The following PTPN21 variants were observed in gnomAD, a reference collection of about 807,000 sequenced individuals.
PTPN21 encodes protein tyrosine phosphatase non-receptor type 21, also known as tyrosine-protein phosphatase non-receptor type 21.
Under a neutral mutation model 131.8 loss-of-function variants are expected in PTPN21, and 77 were observed. The ratio of observed to expected loss-of-function variants is 0.58; its 90% CI spans 0.49 to 0.71. The LOEUF (loss-of-function observed/expected upper bound fraction) is 0.71, where lower values mean the gene tolerates loss of function less well. Among genes scored for constraint, PTPN21 ranks in the 30% least tolerant of loss-of-function variants. The pLI is 0.00. For missense variants in PTPN21, 1,552 were observed against 1,527.1 expected (o/e 1.02, Z -0.27); for synonymous variants, 715 against 621.3 (o/e 1.15, Z -2.24).
At chr14:88,547,590 A>G (rs2078801695) in intron 2 of PTPN21, 1 of 446,312 alleles carries the variant, frequency 2.2e-6, no homozygotes, top group Admixed American at 2.4e-5. Flanking sequence ...GTGTTTGAGG[A>G]TGCATTGAGC....
rs1402487325 is a variant in PTPN21, at chr14:88,467,190, A to C, written c.*947T>G. 1 of 149,536 alleles carries C rather than the reference A, an allele frequency of 6.7e-6. No individual in the cohort carries two copies. The highest frequency in any genetic ancestry group is 1.5e-5 in the Non-Finnish European group (1 of 67,564). The allele number at this position is 149,536 out of a possible 1,614,324, so 9.3% of individuals were successfully genotyped here. A position where few individuals can be genotyped will look rare whatever the true frequency, so the allele number is the denominator to read the frequency against. ...GTCATCTTACATACTCTTAGTCCTTAATCTCTCCCAAAACGCTTCTCAGCG... is the reference window on the plus strand; with the variant it reads ...GTCATCTTACATACTCTTAGTCCTTCATCTCTCCCAAAACGCTTCTCAGCG... On this transcript the variant is annotated 3_prime_UTR_variant, in exon 19 of 19. Coordinates refer to ENST00000556564, the MANE Select transcript of PTPN21 (RefSeq NM_007039.4).
Position 88,466,748 on chromosome 14 carries a change from C to G in PTPN21, c.*1389G>C, listed in dbSNP as rs190721584. On this transcript the variant is annotated 3_prime_UTR_variant, in exon 19 of 19. Coordinates refer to ENST00000556564, the MANE Select transcript of PTPN21 (RefSeq NM_007039.4). ...ATGGGATGGGTGAGGGGGCACTAAA[C>G]AGCTAACACTGGCCAGGGAATTATT... 1 of 111,556 alleles carries G rather than the reference C, an allele frequency of 9.0e-6. No homozygotes were observed. The highest frequency in any genetic ancestry group is 2.6e-4 in the East Asian group (1 of 3,848). The allele number at this position is 111,556 out of a possible 1,614,324, so 6.9% of individuals were successfully genotyped here.
intron 10 of PTPN21, chr14:88,492,995 G>A (rs1388611293): frequency 9.5e-6 from 4 of 422,234 alleles, no homozygotes; most frequent in Non-Finnish European, 1.4e-5. Context: ...TATGAAAAAA[G>A]CAGGCAGGAA....
At chr14:88,496,851 CA>C (rs2077925134) in intron 9 of PTPN21, among the ~76,000 whole-genome samples, 1 of 152,152 alleles carries the variant, frequency 6.6e-6, no homozygotes, top group Admixed American at 6.5e-5. Context: ...GTCAAGAGAG[CA>C]AAAGCAAGTA....
intron 18 of PTPN21, 68 bp downstream of exon 18, chr14:88,468,848 C>T: frequency 6.3e-7 from 1 of 1,595,804 alleles, no homozygotes; most frequent in Non-Finnish European, 8.6e-7. Flanking sequence ...GCTATTAAGT[C>T]ACTATGTCCC....
chr14:88,550,178 T>G, intron 2 of PTPN21, 60 bp downstream of exon 2: 1 of 1,524,898 alleles, frequency 6.6e-7, no homozygotes, highest in Non-Finnish European at 8.9e-7. Context: ...CCTCTCAAAG[T>G]GCTGGGATTA....
At chr14:88,485,227 T>C in intron 11 of PTPN21, 67 bp from the exon 12 acceptor site, 1 of 973,824 alleles carries the variant, frequency 1.0e-6, no homozygotes, top group Non-Finnish European at 1.5e-6. Flanking sequence ...AAAGTTATTA[T>C]CCACTGGATT....
intron 13 of PTPN21, among the ~76,000 whole-genome samples, chr14:88,476,386 C>G (rs1187866444): frequency 6.6e-6 from 1 of 152,212 alleles, no homozygotes; most frequent in African/African-American, 2.4e-5. Context: ...CCCAACAACT[C>G]TCTGGGGTCC....
rs141205961 is a variant in PTPN21 at position 88,483,166 on chromosome 14, C to T, written c.1078+1910G>A. Among the ~76,000 whole-genome samples, 1,040 of 147,796 alleles carry T rather than the reference C, an allele frequency of 7.0e-3. 12 individuals carry two copies. Among genetic ancestry groups the T allele is most frequent in the African/African-American group, 0.024 (962 of 39,774 alleles). Reference sequence around the variant, plus strand: ...GGCAGGGCTTGCAGTGAGCCGAGATCGCGCCACTTCACTCCAGCCTGGGCA... The same window carrying T: ...GGCAGGGCTTGCAGTGAGCCGAGATTGCGCCACTTCACTCCAGCCTGGGCA... On this transcript the variant is annotated intron_variant, in intron 12 of 18. Transcript: ENST00000556564.
At chr14:88,537,937 T>G (rs534761838) in intron 2 of PTPN21, among the ~76,000 whole-genome samples, 2 of 152,326 alleles carry the variant, frequency 1.3e-5, no homozygotes, top group East Asian at 3.9e-4. Context: ...TCTACACTTA[T>G]GTAAACATAG....
chr14:88,542,510 C>T (rs184280696), intron 2 of PTPN21, among the ~76,000 whole-genome samples: 18 of 152,212 alleles, frequency 1.2e-4, no homozygotes, highest in Non-Finnish European at 1.8e-4. Flanking sequence ...GGGAAAAATC[C>T]AATACTGAAA....
Position 88,547,727 on chromosome 14 carries a change from G to T in PTPN21, c.180+2511C>A, listed in dbSNP as rs551372974. The T allele has an allele frequency of 3.6e-5, 16 of 450,380 alleles. No individual in the cohort carries two copies. The East Asian group carries it at 9.8e-4, about 28-fold the overall frequency. 27.9% of individuals were successfully genotyped at this position (450,380 alleles called of 1,614,324 possible). A position where few individuals can be genotyped will look rare whatever the true frequency, so the allele number is the denominator to read the frequency against. Reference sequence around the variant, plus strand: ...GTTCTGGTTTTCTTTCTTCTTCTTCGGCAGTTTCATCTCAGTTTCCTTCCA... The same window carrying T: ...GTTCTGGTTTTCTTTCTTCTTCTTCTGCAGTTTCATCTCAGTTTCCTTCCA... On this transcript the variant is annotated intron_variant, in intron 2 of 18. Transcript: ENST00000556564.
chr14:88,496,844 A>G (rs2077924661), intron 9 of PTPN21, among the ~76,000 whole-genome samples: 1 of 152,250 alleles, frequency 6.6e-6, no homozygotes, highest in Admixed American at 6.5e-5. Flanking sequence ...TGCCTTTGTC[A>G]AGAGAGCAAA....
intron 10 of PTPN21, chr14:88,493,079 C>G: frequency 2.2e-6 from 1 of 456,468 alleles, no homozygotes; most frequent in East Asian, 6.9e-5. Context: ...AGTTGTGTGG[C>G]AGGGCAAGAC....
intron 2 of PTPN21, among the ~76,000 whole-genome samples, chr14:88,548,660 T>C (rs936651424): frequency 2.6e-5 from 4 of 152,182 alleles, no homozygotes; most frequent in Admixed American, 1.3e-4. Flanking sequence ...AGTGATTGGA[T>C]GGTCACCAGG....
chr14:88,502,832 T>C (rs190715968), intron 6 of PTPN21, among the ~76,000 whole-genome samples: 7 of 152,044 alleles, frequency 4.6e-5, no homozygotes, highest in Non-Finnish European at 5.9e-5. Context: ...GTAGAAAGCA[T>C]GAAAATACCC....
chr14:88,490,155 C>T (rs2077802028), intron 10 of PTPN21, among the ~76,000 whole-genome samples: 1 of 152,034 alleles, frequency 6.6e-6, no homozygotes, highest in South Asian at 2.1e-4. Flanking sequence ...ATTATAGGCG[C>T]CCGCCACCAC....
At chr14:88,516,385 T>G (rs1159820817) in intron 3 of PTPN21, among the ~76,000 whole-genome samples, 1 of 152,100 alleles carries the variant, frequency 6.6e-6, no homozygotes, top group Non-Finnish European at 1.5e-5. Flanking sequence ...AGCTACTTCA[T>G]TTTTGAACAT....
Position 88,466,671 on chromosome 14 carries a change from G to A in PTPN21, c.*1466C>T, listed in dbSNP as rs1361005886. 1 of 152,164 alleles carries A rather than the reference G, an allele frequency of 6.6e-6. No homozygotes were observed. The allele number at this position is 152,164 out of a possible 1,614,324, so 9.4% of individuals were successfully genotyped here. On this transcript the variant is annotated 3_prime_UTR_variant, in exon 19 of 19. Transcript: ENST00000556564. ...GGCCATCTTAATCGGGGCCAGAGAT[G>A]ACACTCTCCCCCTGTAACTCAGCCT... is the stretch of plus-strand genomic sequence containing the variant.
Sources: allele counts gnomAD v4.1 joint callset (sites outside exome capture counted in the v4.1 genomes callset), GRCh38; gene constraint gnomAD v4.1.1; transcripts MANE v1.5; gene names NCBI Gene and HGNC (gene_info 2026-07-23, HGNC 2026-07-21).